The following B9D1 variants were observed in gnomAD, a reference collection of about 807,000 sequenced individuals.
The protein encoded by B9D1 is B9 domain containing 1.
Under a neutral mutation model 26.1 loss-of-function variants are expected in B9D1, and 20 were observed. The observed-to-expected ratio is 0.77, with a 90% CI of 0.54 to 1.12. The LOEUF (loss-of-function observed/expected upper bound fraction) is 1.12, where lower values mean the gene tolerates loss of function less well. Ranked by LOEUF, B9D1 falls within the 50% of genes most tolerant of loss-of-function variation. The pLI, the probability that B9D1 is intolerant of heterozygous loss-of-function variation, is 0.00. For synonymous variants in B9D1, 105 were observed against 103.1 expected (o/e 1.02, Z -0.11); for missense variants, 260 against 273.7 (o/e 0.95, Z 0.35).
In B9D1 at chr17:19,359,940, C is replaced by T. The variant is rs1910826058; in HGVS notation, c.132+380G>A. On this transcript the variant is annotated intron_variant, in intron 2 of 6. Transcript: ENST00000261499. This position sits in a 1 kb window ranked among gnomAD's most constrained non-coding sequence, Gnocchi z 5.0. ...TTGGGAAGTCCTGGAAGGAGAGCTC[C>T]TACTCTGTCTTTTTACTCCAGGTCC... Among the ~76,000 whole-genome samples the T allele has an allele frequency of 6.6e-6, 1 of 152,224 alleles. No homozygotes were observed. The highest frequency in any genetic ancestry group is 6.5e-5 in the Admixed American group (1 of 15,282).
At chr17:19,335,599 G>A (rs1392360343), downstream of B9D1, 7 of 845,182 alleles carry the variant, frequency 8.3e-6, no homozygotes, top group Admixed American at 1.8e-4. Flanking sequence ...CTGGGCAACA[G>A]TCCCTAGGCT....
chr17:19,363,649 C>T (rs1363054706), upstream of B9D1: 1 of 152,190 alleles, frequency 6.6e-6, no homozygotes, highest in Non-Finnish European at 1.5e-5. Flanking sequence ...TATCTTGGAT[C>T]CAGGAAATGA....
chr17:19,362,612 CG>C lies in B9D1; in HGVS notation c.-44del. 1 of 1,574,296 alleles carries C rather than the reference CG, an allele frequency of 6.4e-7. No homozygotes were observed. The highest frequency in any genetic ancestry group is 1.2e-5 in the South Asian group (1 of 86,200). On this transcript the variant is annotated 5_prime_UTR_variant, in exon 1 of 7. Coordinates refer to ENST00000261499, the MANE Select transcript of B9D1 (RefSeq NM_015681.6). ...CGGGGGGACCCACCTAGGCCGCGCG[CG>C]GTTGCTAAGAGACGCCGGCGTTGCC...
rs1281113061 is a variant in B9D1, at chr17:19,343,423, AGAG to A, written c.508_510del (p.Leu170del). The stretch of plus-strand genomic sequence containing the variant: ...CTCATGTCCTTGGTCACCACGTTGA[AGAG>A]GAGGGTGACAAAGCCCTGAGAACGG... On this transcript the variant is annotated inframe_deletion, in exon 7 of 7. Transcript: ENST00000261499. 24 of 1,614,032 alleles carry A rather than the reference AGAG, an allele frequency of 1.5e-5. No homozygotes were observed. The South Asian group carries it at 1.9e-4, about 13-fold the overall frequency.
intron 3 of B9D1, among the ~76,000 whole-genome samples, chr17:19,353,016 G>A (rs889300784): frequency 4.1e-5 from 6 of 147,852 alleles, no homozygotes; most frequent in Non-Finnish European, 9.0e-5. Flanking sequence ...TCACTCTGTC[G>A]CCAGGCTGGA....
In B9D1 at chr17:19,347,187, C is replaced by G; in HGVS notation, c.404+82G>C. The G allele has an allele frequency of 6.2e-7, 1 of 1,614,010 alleles. No homozygotes were observed. Among genetic ancestry groups the G allele is most frequent in the African/African-American group, 1.3e-5 (1 of 75,028 alleles). ...CAGCTTGCAGATCTGAGGAGGCGAC[C>G]AGGCACAAACTGAGGGGTAGAATGG... is the stretch of plus-strand genomic sequence containing the variant. On this transcript the variant is annotated intron_variant, in intron 5 of 6. Coordinates refer to ENST00000261499, the MANE Select transcript of B9D1 (RefSeq NM_015681.6). This position sits in a 1 kb window ranked among gnomAD's most constrained non-coding sequence, Gnocchi z 4.3.
chr17:19,335,667 C>T (rs188613123), downstream of B9D1: 5 of 411,368 alleles, frequency 1.2e-5, no homozygotes, highest in African/African-American at 8.1e-5. Context: ...TACCTGCTAA[C>T]TCCAGATATT....
intron 3 of B9D1, among the ~76,000 whole-genome samples, chr17:19,352,976 C>A (rs1446865558): frequency 2.0e-5 from 3 of 150,598 alleles, no homozygotes; most frequent in Non-Finnish European, 4.4e-5. Context: ...CCTTCTTTTA[C>A]TACTTCTTTT....
At chr17:19,366,414 G>A (rs150825177), upstream of B9D1, among the ~76,000 whole-genome samples, 547 of 152,154 alleles carry the variant, frequency 3.6e-3, 4 homozygotes, top group African/African-American at 0.012. Flanking sequence ...AGGCAGAGAG[G>A]GCAGCTGGCT....
In B9D1 at chr17:19,347,375, C is replaced by G; in HGVS notation, c.342-44G>C. 6.2e-7 allele frequency: 1 copy of G among 1,607,080 alleles called. No homozygotes were observed. The highest frequency in any genetic ancestry group is 8.5e-7 in the Non-Finnish European group (1 of 1,173,884). On this transcript the variant is annotated intron_variant, in intron 4 of 6. Transcript: ENST00000261499. The surrounding 1 kb of genome is among the most constrained non-coding windows in gnomAD (Gnocchi z 4.3). Reference sequence around the variant, plus strand: ...CAGACAGAGATGCTGAGTAAGAGACCTTTCTGAGCCTCCAGGGAGAAGAAA... The same window carrying G: ...CAGACAGAGATGCTGAGTAAGAGACGTTTCTGAGCCTCCAGGGAGAAGAAA...
chr17:19,347,440 T>G lies in B9D1; in HGVS notation c.342-109A>C, dbSNP rs917470297. On this transcript the variant is annotated intron_variant, in intron 4 of 6. Transcript: ENST00000261499. The surrounding 1 kb of genome is among the most constrained non-coding windows in gnomAD (Gnocchi z 4.3). ...CAGTGCAGCTGCAGCGTGGGCCAAG[T>G]CAGGGCCAATGTCAACGAATCCAAC... The G allele has an allele frequency of 7.7e-6, 10 of 1,306,836 alleles. No homozygotes were observed. Among genetic ancestry groups the G allele is most frequent in the African/African-American group, 4.4e-5 (3 of 68,570 alleles). The allele number at this position is 1,306,836 out of a possible 1,614,324, so 81.0% of individuals were successfully genotyped here.
chr17:19,357,905 A>T lies in B9D1; in HGVS notation c.179T>A (p.Val60Glu). The T allele has an allele frequency of 6.2e-7, 1 of 1,614,120 alleles. No homozygotes were observed. The highest frequency in any genetic ancestry group is 8.5e-7 in the Non-Finnish European group (1 of 1,179,998). ...ISQITSKSQD[V>E]RQALVWNFPI... ...GAAGTTCCACACCAGTGCTTGCCGC[A>T]CATCTTGGCTCTTGGATGTGATCTG... Residue 60 changes from valine to glutamate, a missense_variant, in exon 3 of 7, where the codon GTG becomes GAG. Physicochemically the swap from Val to Glu is moderately radical, Grantham distance 121. Coordinates refer to ENST00000261499, the MANE Select transcript of B9D1 (RefSeq NM_015681.6).
chr17:19,338,133 A>C (rs1365115952), downstream of B9D1, among the ~76,000 whole-genome samples: 1 of 152,238 alleles, frequency 6.6e-6, no homozygotes, highest in Non-Finnish European at 1.5e-5. Context: ...ACAACAAAGC[A>C]GGGCAGGGGT....
intron 5 of B9D1, chr17:19,344,606 G>A (rs552854747): frequency 3.3e-5 from 7 of 209,362 alleles, no homozygotes; most frequent in African/African-American, 7.2e-5. Context: ...ACTCGCGGCC[G>A]CGCCTCCTCT....
At chr17:19,350,450 G>A (rs1270007865) in intron 3 of B9D1, among the ~76,000 whole-genome samples, 1 of 151,912 alleles carries the variant, frequency 6.6e-6, no homozygotes, top group Non-Finnish European at 1.5e-5. Flanking sequence ...GGAGGCTGAG[G>A]CAGAATTGCT....
chr17:19,340,682 G>A (rs1056062488), downstream of B9D1, among the ~76,000 whole-genome samples: 4 of 150,952 alleles, frequency 2.6e-5, no homozygotes, highest in African/African-American at 7.3e-5. Context: ...TAAGCTACTC[G>A]GGAGGCTGAG....
At position 19,360,313 on chromosome 17, in the gene B9D1, A is replaced by T; in HGVS notation, c.132+7T>A. The T allele has an allele frequency of 6.2e-7, 1 of 1,613,766 alleles. No homozygotes were observed. The highest frequency in any genetic ancestry group is 8.5e-7 in the Non-Finnish European group (1 of 1,179,814). ...GGCGGTAAGGGAGGCCCAAGAGTCC[A>T]GCTTACCGCTGTGGGGGCCCAGTCC... On this transcript the variant is annotated splice_region_variant and intron_variant, in intron 2 of 6. Transcript: ENST00000261499.
intron 1 of B9D1, among the ~76,000 whole-genome samples, chr17:19,374,367 A>G (rs1279708013): frequency 6.6e-6 from 1 of 152,206 alleles, no homozygotes; most frequent in African/African-American, 2.4e-5. Flanking sequence ...CTTATGGCAA[A>G]TCTCCCCATT....
chr17:19,342,645 CAGGGGGCTCACCTTCCTCTCCTGCCA>C (rs1246934181), downstream of B9D1, among the ~76,000 whole-genome samples: 1 of 152,150 alleles, frequency 6.6e-6, no homozygotes, highest in Non-Finnish European at 1.5e-5. Context: ...GGTGTTGAGC[CAGGGGGCTCACCTTCCTCTCCTGCCA>C]AGGGGCTGCC....
Sources: gnomAD v4.1 joint callset for allele counts (sites outside exome capture counted in the v4.1 genomes callset) on GRCh38, gnomAD v4.1.1 for gene constraint, Gnocchi (gnomAD v3.1) non-coding constraint, MANE v1.5 for transcripts, NCBI Gene and HGNC (gene_info 2026-07-23, HGNC 2026-07-21) for gene names.